Variants in DLGAP2 observed in about 807,000 individuals in gnomAD.
The protein encoded by DLGAP2 is DLG associated protein 2.
In DLGAP2, 26 loss-of-function variants were observed where a neutral mutation model predicts 100.3. That is an observed-to-expected ratio of 0.26 (90% CI 0.19 to 0.36). The LOEUF (loss-of-function observed/expected upper bound fraction) is 0.36, where lower values mean the gene tolerates loss of function less well. DLGAP2 is among the 10% of genes least tolerant of loss of function. The probability of loss-of-function intolerance (pLI) is 1.00; values close to 1 mark genes in which losing one functional copy is unlikely to be tolerated. For missense variants in DLGAP2, 1,858 were observed against 1,453.2 expected, an observed-to-expected ratio of 1.28 and a Z score of -4.53; for synonymous variants, 886 against 630.1, an observed-to-expected ratio of 1.41 and a Z score of -6.08.
At chr8:1,163,450 C>T (rs1373311136) in intron 2 of DLGAP2, among the ~76,000 whole-genome samples, 1 of 152,214 alleles carries the variant, frequency 6.6e-6, no homozygotes, top group African/African-American at 2.4e-5. Context: ...TGGGACCCTT[C>T]CCTGCAGGAA....
At chr8:1,360,924 C>T (rs1159178159) in intron 3 of DLGAP2, among the ~76,000 whole-genome samples, 6 of 152,224 alleles carry the variant, frequency 3.9e-5, no homozygotes, top group Non-Finnish European at 8.8e-5. Flanking sequence ...CGCCTCTCAT[C>T]GCTCACGTGT....
intron 3 of DLGAP2, among the ~76,000 whole-genome samples, chr8:1,292,986 T>A (rs986938386): frequency 3.3e-5 from 5 of 152,150 alleles, no homozygotes; most frequent in African/African-American, 1.2e-4. Context: ...CAACGGCTGT[T>A]CCTCGTGTCT....
intron 3 of DLGAP2, among the ~76,000 whole-genome samples, chr8:1,491,341 G>GGAGGCTTCAGGCCGCTCCCCCTGACCCCA (rs1799379573): frequency 6.8e-6 from 1 of 147,760 alleles, no homozygotes; most frequent in South Asian, 2.2e-4. Context: ...TCCTGACCCC[G>GGAGGCTTCAGGCCGCTCCCCCTGACCCCA]GAGGCTTCGG....
intron 1 of DLGAP2, among the ~76,000 whole-genome samples, chr8:835,610 C>T (rs930219413): frequency 8.5e-5 from 13 of 152,200 alleles, no homozygotes; most frequent in Admixed American, 5.2e-4. Flanking sequence ...GGCTTCTCTC[C>T]GCAGTGCAGG....
At chr8:1,560,785 T>G (rs915211931) in intron 5 of DLGAP2, among the ~76,000 whole-genome samples, 2 of 152,246 alleles carry the variant, frequency 1.3e-5, no homozygotes, top group Non-Finnish European at 2.9e-5. Context: ...GGACAAAATG[T>G]GAACAAAACA....
intron 2 of DLGAP2, among the ~76,000 whole-genome samples, chr8:1,174,632 CCAT>C (rs560862090): frequency 1.5e-3 from 230 of 151,636 alleles, no homozygotes; most frequent in African/African-American, 5.2e-3. Context: ...ATTACTGCCA[CCAT>C]CATCATCGTC....
At chr8:794,036 G>C (rs2132643512) in intron 1 of DLGAP2, among the ~76,000 whole-genome samples, 1 of 152,092 alleles carries the variant, frequency 6.6e-6, no homozygotes, top group African/African-American at 2.4e-5. Context: ...TGGGGTCCCT[G>C]GTGGCGTGAG....
chr8:844,855 C>T (rs1346693423), intron 1 of DLGAP2, among the ~76,000 whole-genome samples: 9 of 152,190 alleles, frequency 5.9e-5, no homozygotes, highest in Non-Finnish European at 1.2e-4. Context: ...CCAGGCCAGG[C>T]CTGGCCACCA....
chr8:1,338,815 A>G (rs1328644465), intron 3 of DLGAP2, among the ~76,000 whole-genome samples: 1 of 151,148 alleles, frequency 6.6e-6, no homozygotes, highest in Admixed American at 6.6e-5. Context: ...GAGAGAATGC[A>G]GTGACCTAAG....
chr8:1,619,471 T>C (rs1380135716), intron 6 of DLGAP2, among the ~76,000 whole-genome samples: 3 of 152,258 alleles, frequency 2.0e-5, no homozygotes, highest in Non-Finnish European at 2.9e-5. Context: ...GTTTCATTTC[T>C]ATGTAAGAAA....
chr8:1,451,407 G>A (rs532123079), intron 3 of DLGAP2, among the ~76,000 whole-genome samples: 1 of 152,146 alleles, frequency 6.6e-6, no homozygotes, highest in Non-Finnish European at 1.5e-5. Context: ...CAGACCTGAG[G>A]TTTGCTTGAA....
chr8:1,554,969 T>A (rs1801909295), intron 5 of DLGAP2, among the ~76,000 whole-genome samples: 1 of 152,204 alleles, frequency 6.6e-6, no homozygotes, highest in African/African-American at 2.4e-5. Flanking sequence ...TCCTTAGCGA[T>A]ACCAGTGCTC....
intron 7 of DLGAP2, among the ~76,000 whole-genome samples, chr8:1,628,546 C>G (rs193133579): frequency 3.8e-3 from 572 of 151,164 alleles, no homozygotes; most frequent in Middle Eastern, 0.01. Flanking sequence ...TTCTGTCTGA[C>G]TTACTGTGGA....
chr8:1,591,123 T>A (rs1584963471), intron 6 of DLGAP2, among the ~76,000 whole-genome samples: 1 of 152,310 alleles, frequency 6.6e-6, no homozygotes, highest in East Asian at 1.9e-4. Context: ...GTGCAGCCCA[T>A]GAAGACACCA....
rs1796719118 is a variant in DLGAP2 at position 1,411,133 on chromosome 8, C to G, written c.107-90233C>G. 3.3e-5 allele frequency among the ~76,000 whole-genome samples: 5 copies of G among 152,102 alleles called. 1 individual carries two copies. The South Asian group carries it at 1.0e-3, about 32-fold the overall frequency. On this transcript the variant is annotated intron_variant, in intron 3 of 14. Transcript: ENST00000637795. ...CAGTCGTGGTCTCTTGTTCTGGAAA[C>G]CCAACATCTCCTAATTAAAATCGTC...
intron 3 of DLGAP2, among the ~76,000 whole-genome samples, chr8:1,408,363 A>G (rs930930416): frequency 1.3e-5 from 2 of 152,150 alleles, no homozygotes; most frequent in African/African-American, 4.8e-5. Flanking sequence ...TGTTCTCATC[A>G]GGGGAGAAAT....
intron 3 of DLGAP2, among the ~76,000 whole-genome samples, chr8:1,449,934 A>G (rs866411100): frequency 1.9e-3 from 79 of 42,232 alleles, no homozygotes; most frequent in East Asian, 4.6e-3. Flanking sequence ...TCGGTGGCTG[A>G]GGCGGAGCTG....
intron 1 of DLGAP2, among the ~76,000 whole-genome samples, chr8:769,038 A>T (rs563047183): frequency 2.0e-5 from 3 of 152,150 alleles, no homozygotes; most frequent in Middle Eastern, 6.8e-3. Context: ...TGTTTCGAGT[A>T]TTAGGTGAGA....
intron 6 of DLGAP2, chr8:1,621,192 G>A (rs774632344): frequency 8.5e-5 from 13 of 152,206 alleles, no homozygotes; most frequent in Non-Finnish European, 1.3e-4. Context: ...GAAGCCTTTG[G>A]TGGCACATCC....
Sources: allele counts gnomAD v4.1 joint callset (sites outside exome capture counted in the v4.1 genomes callset), GRCh38; gene constraint gnomAD v4.1.1; transcripts MANE v1.5; gene names NCBI Gene and HGNC (gene_info 2026-07-23, HGNC 2026-07-21).